GABBR2: variants seen among roughly 807,000 people sequenced by gnomAD.
GABBR2 encodes the protein gamma-aminobutyric acid type B receptor subunit 2.
GABBR2 carries 23 observed loss-of-function variants against 105.6 expected under a neutral mutation model. The observed-to-expected ratio is 0.22, with a 90% CI of 0.16 to 0.31. GABBR2 has a LOEUF of 0.31. GABBR2 is among the 10% of genes least tolerant of loss of function. The pLI is 1.00. For synonymous variants in GABBR2, 478 were observed against 499.7 expected (o/e 0.96, Z 0.58); for missense variants, 734 against 1,245.5 (o/e 0.59, Z 6.18).
chr9:98,613,256 T>A (rs374034543), intron 1 of GABBR2, among the ~76,000 whole-genome samples: 16 of 152,174 alleles, frequency 1.1e-4, no homozygotes, highest in African/African-American at 2.9e-4. Flanking sequence ...CTGGGCAACA[T>A]AATGAGACCC....
chr9:98,620,249 C>CTCTA (rs1829650074), intron 1 of GABBR2, among the ~76,000 whole-genome samples: 1 of 150,300 alleles, frequency 6.7e-6, no homozygotes, highest in Admixed American at 6.7e-5. Context: ...TTCTCTCTTT[C>CTCTA]TCTCTCTCTC....
intron 1 of GABBR2, among the ~76,000 whole-genome samples, chr9:98,673,281 C>T (rs1252762697): frequency 6.6e-6 from 1 of 152,180 alleles, no homozygotes; most frequent in East Asian, 1.9e-4. Context: ...AAAGTGCCAG[C>T]TGGCACCAAG....
At chr9:98,456,439 C>T (rs1314251038) in intron 6 of GABBR2, among the ~76,000 whole-genome samples, 2 of 152,178 alleles carry the variant, frequency 1.3e-5, no homozygotes, top group Non-Finnish European at 2.9e-5. Flanking sequence ...ACTTGTCACT[C>T]CCTGCAATTT....
intron 10 of GABBR2, among the ~76,000 whole-genome samples, chr9:98,386,914 C>T (rs1588134514): frequency 6.6e-6 from 1 of 152,212 alleles, no homozygotes; most frequent in East Asian, 1.9e-4. Context: ...ATAAAAGTGA[C>T]ACCTTGACAA....
intron 12 of GABBR2, 49 bp from the exon 13 acceptor site, chr9:98,362,886 C>A: frequency 6.9e-7 from 1 of 1,439,734 alleles, no homozygotes; most frequent in Non-Finnish European, 9.2e-7. Flanking sequence ...AGACAGCTTC[C>A]CACGCAGCAA....
chr9:98,549,887 A>G (rs1031447800), intron 2 of GABBR2, among the ~76,000 whole-genome samples: 1 of 152,180 alleles, frequency 6.6e-6, no homozygotes, highest in Admixed American at 6.5e-5. Context: ...CGACCAGACC[A>G]CAGGGCCTGA....
intron 1 of GABBR2, among the ~76,000 whole-genome samples, chr9:98,635,555 A>C (rs1829864427): frequency 6.6e-6 from 1 of 152,230 alleles, no homozygotes; most frequent in Non-Finnish European, 1.5e-5. Flanking sequence ...TTCAACAAAA[A>C]GAAAGACACA....
chr9:98,462,975 G>A (rs1483359154), intron 6 of GABBR2, among the ~76,000 whole-genome samples: 3 of 152,036 alleles, frequency 2.0e-5, no homozygotes, highest in East Asian at 1.9e-4. Flanking sequence ...TATAACCTCC[G>A]CCTCCTGGGT....
In GABBR2 at chr9:98,496,419, C is replaced by A; in HGVS notation, c.726G>T (p.Lys242Asn). The A allele has an allele frequency of 6.2e-7, 1 of 1,605,210 alleles. No homozygotes were observed. The highest frequency in any genetic ancestry group is 8.5e-7 in the Non-Finnish European group (1 of 1,172,082). The change falls in exon 4 of 19, where the codon AAG (lysine) becomes AAT (asparagine). Residue 242 changes from lysine (K) to asparagine (N), a missense_variant. Lys to Asn is a moderately conservative substitution (Grantham distance 94, BLOSUM62 0). This residue lies in a region of GABBR2 where 370 missense variants were observed against 648.9 expected (regional missense o/e 0.57). Transcript: ENST00000259455. ...TGTGGCTAGCCACACCTACCTTCAG[C>A]TTTTTGACACTGGTACAGGGATCGT... ...FSNDPCTSVKKLKGNDVRIIL... is the reference protein window; with the variant it reads ...FSNDPCTSVKNLKGNDVRIIL...
Position 98,393,342 on chromosome 9 carries a change from A to ACCATCCAT in GABBR2, c.1378+825_1378+832dup, listed in dbSNP as rs921463721. 6.7e-5 allele frequency among the ~76,000 whole-genome samples: 7 copies of ACCATCCAT among 104,652 alleles called. 1 individual carries two copies. Among genetic ancestry groups the ACCATCCAT allele is most frequent in the African/African-American group, 3.3e-4 (7 of 21,486 alleles). The allele number at this position is 104,652 out of a possible 152,430, so 68.7% of individuals were successfully genotyped here. On this transcript the variant is annotated intron_variant, in intron 9 of 18. Transcript: ENST00000259455. Reference sequence around the variant, plus strand: ...ACACACCCATCCAGGCATCCACCCAACCATCCATCCATCCATCCATCCATC... The same window carrying ACCATCCAT: ...ACACACCCATCCAGGCATCCACCCAACCATCCATCCATCCATCCATCCATCCATCCATC...
intron 3 of GABBR2, among the ~76,000 whole-genome samples, chr9:98,501,313 C>T (rs918337706): frequency 1.3e-5 from 2 of 152,008 alleles, no homozygotes; most frequent in African/African-American, 4.8e-5. Context: ...TACAGGTGCC[C>T]GCCACCACAC....
rs757931981 is a variant in GABBR2 at position 98,703,093 on chromosome 9, C to T, written c.321+5324G>A. Among the ~76,000 whole-genome samples, 7 of 152,198 alleles carry T rather than the reference C, an allele frequency of 4.6e-5. No homozygotes were observed. In the East Asian group the frequency reaches 5.8e-4, roughly 13 times the overall value. On this transcript the variant is annotated intron_variant, in intron 1 of 18. Coordinates refer to ENST00000259455, the MANE Select transcript of GABBR2 (RefSeq NM_005458.8). ...CAATGAGATATAAACTTGAGACTTT[C>T]GCTGAAACAGTTGGGAAAGAAACAC...
intron 1 of GABBR2, among the ~76,000 whole-genome samples, chr9:98,595,201 T>C (rs1237308599): frequency 1.3e-5 from 2 of 152,098 alleles, no homozygotes; most frequent in East Asian, 3.9e-4. Context: ...GGACAGCGCC[T>C]TCTGGCTGGG....
intron 1 of GABBR2, among the ~76,000 whole-genome samples, chr9:98,591,175 C>A (rs77841914): frequency 4.6e-5 from 7 of 152,108 alleles, no homozygotes; most frequent in Non-Finnish European, 4.4e-5. Flanking sequence ...TTGGAGGAGG[C>A]GGCATTTGAG....
chr9:98,559,056 G>A (rs1234043864), intron 2 of GABBR2, among the ~76,000 whole-genome samples: 1 of 152,148 alleles, frequency 6.6e-6, no homozygotes, highest in African/African-American at 2.4e-5. Flanking sequence ...TCCTGAAGAA[G>A]ACTGTTCTAG....
chr9:98,433,937 G>C (rs1564067124), intron 7 of GABBR2, among the ~76,000 whole-genome samples: 3 of 151,976 alleles, frequency 2.0e-5, no homozygotes, highest in Admixed American at 6.6e-5. Context: ...TGATTGGATT[G>C]AAGGATACAA....
chr9:98,454,267 A>C lies in GABBR2; in HGVS notation c.1000-50T>G. ...ATCCCAAGTTATACTCGGCAGGGAC[A>C]TCAGGTGCCTGATGCCGAGAAGAGC... On this transcript the variant is annotated intron_variant, in intron 6 of 18. Transcript: ENST00000259455. The surrounding 1 kb of genome is among the most constrained non-coding windows in gnomAD (Gnocchi z 4.6). 7.8e-7 allele frequency: 1 copy of C among 1,274,758 alleles called. No homozygotes were observed. Among genetic ancestry groups the C allele is most frequent in the Non-Finnish European group, 1.1e-6 (1 of 870,692 alleles). The allele number at this position is 1,274,758 out of a possible 1,614,324, so 79.0% of individuals were successfully genotyped here.
chr9:98,492,349 T>TAAAAAAAAAAGAAAAAAAAAAAAAAAAA (rs1827192755), intron 4 of GABBR2, among the ~76,000 whole-genome samples: 1 of 29,218 alleles, frequency 3.4e-5, no homozygotes, highest in African/African-American at 7.4e-5. Flanking sequence ...TGTTTCCTAG[T>TAAAAAAAAAAGAAAAAAAAAAAAAAAAA]AAAAAAAAAA....
chr9:98,665,245 C>T (rs146608695), intron 1 of GABBR2, among the ~76,000 whole-genome samples: 2 of 151,014 alleles, frequency 1.3e-5, no homozygotes, highest in African/African-American at 2.4e-5. Flanking sequence ...CTTCAGCCTC[C>T]TTGACAGGGT....
Sources: gnomAD v4.1 joint callset for allele counts (sites outside exome capture counted in the v4.1 genomes callset) on GRCh38, gnomAD v4.1.1 for gene constraint, gnomAD v4.1.1 regional missense constraint, Gnocchi (gnomAD v3.1) non-coding constraint, MANE v1.5 for transcripts, NCBI Gene and HGNC (gene_info 2026-07-23, HGNC 2026-07-21) for gene names.